The following NF2 variants were observed in gnomAD, a reference collection of about 807,000 sequenced individuals.
NF2 encodes the protein NF2, moesin-ezrin-radixin like (MERLIN) tumor suppressor, also known as merlin.
Under a neutral mutation model 83.7 loss-of-function variants are expected in NF2, and 8 were observed. The observed-to-expected ratio is 0.10, with a 90% CI of 0.06 to 0.17. NF2 has a LOEUF of 0.17. NF2 is among the 10% of genes least tolerant of loss of function. NF2 has a pLI of 1.00. For synonymous variants in NF2, 266 were observed against 269.6 expected, an observed-to-expected ratio of 0.99 and a Z score of 0.13; for missense variants, 533 against 744.4, an observed-to-expected ratio of 0.72 and a Z score of 3.31.
chr22:29,646,600 A>G (rs999562642), intron 4 of NF2, among the ~76,000 whole-genome samples: 10 of 152,232 alleles, frequency 6.6e-5, no homozygotes, highest in Non-Finnish European at 1.5e-4. Context: ...TTATGCACAA[A>G]TGTATTCATT....
chr22:29,637,227 G>T (rs2065672949), intron 2 of NF2, among the ~76,000 whole-genome samples: 1 of 152,154 alleles, frequency 6.6e-6, no homozygotes, highest in African/African-American at 2.4e-5. Flanking sequence ...TAACCAATTT[G>T]TGTCTTTTAG....
chr22:29,695,562 C>T lies in NF2; in HGVS notation c.*760C>T. 1 of 235,684 alleles carries T rather than the reference C, an allele frequency of 4.2e-6. No homozygotes were observed. Among genetic ancestry groups the T allele is most frequent in the Non-Finnish European group, 8.4e-6 (1 of 119,654 alleles). The allele number at this position is 235,684 out of a possible 1,614,324, so 14.6% of individuals were successfully genotyped here. A position where few individuals can be genotyped will look rare whatever the true frequency, so the allele number is the denominator to read the frequency against. ...CCACCCTAGACCAGGGTCCGAGAGGCAGGCAGGAGCCACTCATGTCTTCCC... is the reference window on the plus strand; with the variant it reads ...CCACCCTAGACCAGGGTCCGAGAGGTAGGCAGGAGCCACTCATGTCTTCCC... On this transcript the variant is annotated 3_prime_UTR_variant, in exon 16 of 16. Transcript: ENST00000338641. This position sits in a 1 kb window ranked among gnomAD's most constrained non-coding sequence, Gnocchi z 5.4.
intron 15 of NF2, among the ~76,000 whole-genome samples, chr22:29,688,255 TA>T (rs140432338): frequency 6.6e-6 from 1 of 152,314 alleles, no homozygotes; most frequent in African/African-American, 2.4e-5. Flanking sequence ...CTGAGGATAT[TA>T]CCAGGCCTTA....
At chr22:29,671,764 C>G (rs2066795584) in intron 10 of NF2, 62 bp from the exon 11 acceptor site, 29 of 1,610,928 alleles carry the variant, frequency 1.8e-5, no homozygotes, top group Non-Finnish European at 2.5e-5. Flanking sequence ...TCTTTGGGCC[C>G]TTGTGGCACC....
rs2066370972 is a variant in NF2 at position 29,658,190 on chromosome 22, G to C, written c.601G>C (p.Asp201His). 2.5e-6 allele frequency: 4 copies of C among 1,614,040 alleles called. No homozygotes were observed. Among genetic ancestry groups the C allele is most frequent in the African/African-American group, 1.3e-5 (1 of 75,036 alleles). ...CAGTGTCTTCCGTTCTCCCCACAGGGATGAAGCTGAAATGGAATATCTGAA... is the reference window on the plus strand; with the variant it reads ...CAGTGTCTTCCGTTCTCCCCACAGGCATGAAGCTGAAATGGAATATCTGAA... ...WYAEHRGRAR[D>H]EAEMEYLKIA... is the part of the protein sequence containing the mutation. The change falls in exon 7 of 16, where the codon GAT becomes CAT. Residue 201 changes from aspartate to histidine, a missense_variant and splice_region_variant. Around this residue, in one of 3 missense-constraint regions of NF2, gnomAD observed 326 missense variants for 475.1 expected, o/e 0.69. Coordinates refer to ENST00000338641, the MANE Select transcript of NF2 (RefSeq NM_000268.4).
At position 29,668,264 on chromosome 22, in the gene NF2, C is replaced by G. The variant is rs1232886946; in HGVS notation, c.886-69C>G. The G allele has an allele frequency of 3.6e-6, 4 of 1,110,076 alleles. No homozygotes were observed. The Admixed American group carries it at 7.1e-5, about 20-fold the overall frequency. The allele number at this position is 1,110,076 out of a possible 1,614,324, so 68.8% of individuals were successfully genotyped here. On this transcript the variant is annotated intron_variant, in intron 9 of 15. Coordinates refer to ENST00000338641, the MANE Select transcript of NF2 (RefSeq NM_000268.4). ...TGCAAGAGCTCAAACTGCTATGGCA[C>G]TAGTGGGCCAGTAGGCAGTGAAGTA...
chr22:29,664,277 C>T (rs1470869622), intron 8 of NF2, among the ~76,000 whole-genome samples: 1 of 151,920 alleles, frequency 6.6e-6, no homozygotes, highest in Non-Finnish European at 1.5e-5. Flanking sequence ...CTGGCCGCCT[C>T]TGACTTTTAT....
In NF2 at chr22:29,639,188, C is replaced by A. The variant is rs2065732712; in HGVS notation, c.339C>A (p.Ile113=). 6.2e-7 allele frequency: 1 copy of A among 1,614,158 alleles called. No homozygotes were observed. Among genetic ancestry groups the A allele is most frequent in the Non-Finnish European group, 8.5e-7 (1 of 1,180,024 alleles). Residue 113 remains isoleucine (I), a synonymous_variant, in exon 3 of 16, where the codon ATC becomes ATA. Transcript: ENST00000338641. ...CTGAAGAGGAGCTGGTTCAGGAGAT[C>A]ACACAACATTTATTCTTCTTACAGG... ...ENAEEELVQE[I]TQHLFFLQVK...
intron 1 of NF2, among the ~76,000 whole-genome samples, chr22:29,632,230 TC>T (rs2065532865): frequency 1.3e-5 from 2 of 152,344 alleles, no homozygotes; most frequent in South Asian, 4.1e-4. Context: ...GACTGAACTA[TC>T]CTACTCCCAT....
chr22:29,640,649 G>A (rs2065781931), intron 3 of NF2, among the ~76,000 whole-genome samples: 1 of 152,084 alleles, frequency 6.6e-6, no homozygotes, highest in African/African-American at 2.4e-5. Context: ...AGAGATAGTT[G>A]GGTAGTCTGT....
chr22:29,621,775 C>G (rs138968917), intron 1 of NF2, among the ~76,000 whole-genome samples: 17 of 152,156 alleles, frequency 1.1e-4, no homozygotes, highest in African/African-American at 1.4e-4. Context: ...CCTCACGCAC[C>G]CTCTTGCTCT....
rs1017165502 is a variant in NF2 at position 29,681,682 on chromosome 22, T to G, written c.1737+81T>G. The G allele has an allele frequency of 2.1e-5, 32 of 1,540,968 alleles. No homozygotes were observed. In the African/African-American group the frequency reaches 3.8e-4, roughly 18 times the overall value. On this transcript the variant is annotated intron_variant, in intron 15 of 15. Coordinates refer to ENST00000338641, the MANE Select transcript of NF2 (RefSeq NM_000268.4). ...TGCGGTTGGCATCTGGTTTCCTCAG[T>G]AGCCAAGTCACTAGACTATTGGCAT... is the stretch of plus-strand genomic sequence containing the variant.
chr22:29,658,166 A>C, intron 6 of NF2, 23 bp from the exon 7 acceptor site: 2 of 1,611,500 alleles, frequency 1.2e-6, no homozygotes, highest in Non-Finnish European at 1.7e-6. Context: ...CTCCAATGAC[A>C]GTGTCTTCCG....
chr22:29,664,985 T>G lies in NF2; in HGVS notation c.811-5T>G, dbSNP rs1469511439. The G allele has an allele frequency of 6.2e-7, 1 of 1,605,970 alleles. No homozygotes were observed. Among genetic ancestry groups the G allele is most frequent in the East Asian group, 2.2e-5 (1 of 44,866 alleles). On this transcript the variant is annotated splice_polypyrimidine_tract_variant and splice_region_variant and intron_variant, in intron 8 of 15. Coordinates refer to ENST00000338641, the MANE Select transcript of NF2 (RefSeq NM_000268.4). ...CTGAAACTGTGTTCTGCTTCATTCTTCCAGTTTACTATTAAACCACTGGAT... is the reference window on the plus strand; with the variant it reads ...CTGAAACTGTGTTCTGCTTCATTCTGCCAGTTTACTATTAAACCACTGGAT...
rs746868503 is a variant in NF2 at position 29,604,132 on chromosome 22, G to T, written c.114+20G>T. The stretch of plus-strand genomic sequence containing the variant: ...TGCGAGGTAACCGGCCGGCAGCCCC[G>T]ACTGCTGCGGTGACAGTCGAGGTGG... On this transcript the variant is annotated intron_variant, in intron 1 of 15. Transcript: ENST00000338641. 8.8e-5 allele frequency: 138 copies of T among 1,564,140 alleles called. No individual in the cohort carries two copies. The highest frequency in any genetic ancestry group is 5.2e-5 in the Non-Finnish European group (60 of 1,146,942).
At chr22:29,624,380 G>A (rs60456178) in intron 1 of NF2, among the ~76,000 whole-genome samples, 2,129 of 152,194 alleles carry the variant, frequency 0.014, 20 homozygotes, top group Middle Eastern at 0.024. Context: ...GCTAATTTTT[G>A]TATTTTTAGT....
chr22:29,680,403 C>T (rs1477678227), intron 14 of NF2, among the ~76,000 whole-genome samples: 2 of 152,230 alleles, frequency 1.3e-5, no homozygotes. Flanking sequence ...AGCCACCACA[C>T]CCAGCCGGTG....
At chr22:29,633,744 A>T (rs1249592600) in intron 1 of NF2, among the ~76,000 whole-genome samples, 1 of 152,120 alleles carries the variant, frequency 6.6e-6, no homozygotes, top group Non-Finnish European at 1.5e-5. Context: ...CATGACTTTT[A>T]AAAAAAGACT....
At chr22:29,683,545 G>A (rs560971421) in intron 15 of NF2, 36 of 1,113,448 alleles carry the variant, frequency 3.2e-5, no homozygotes, top group Non-Finnish European at 3.9e-5. Flanking sequence ...GGGGCAAAAG[G>A]GTTGCTTGTG....
Sources: allele counts gnomAD v4.1 joint callset (sites outside exome capture counted in the v4.1 genomes callset), GRCh38; gene constraint gnomAD v4.1.1; regional missense constraint gnomAD v4.1.1; non-coding constraint Gnocchi (gnomAD v3.1); transcripts MANE v1.5; gene names NCBI Gene and HGNC (gene_info 2026-07-23, HGNC 2026-07-21).